Variants in DISC1 observed in about 807,000 individuals in gnomAD.
The protein encoded by DISC1 is disrupted in schizophrenia 1 protein.
DISC1 carries 57 observed loss-of-function variants against 84.5 expected under a neutral mutation model. The ratio of observed to expected loss-of-function variants is 0.67; its 90% confidence interval spans 0.55 to 0.84. The LOEUF (loss-of-function observed/expected upper bound fraction) is 0.84, where lower values mean the gene tolerates loss of function less well. Ranked by LOEUF, DISC1 falls within the 40% of genes least tolerant of loss-of-function variation. The probability of loss-of-function intolerance (pLI) is 0.00; values close to 1 mark genes in which losing one functional copy is unlikely to be tolerated. For synonymous variants in DISC1, 411 were observed against 415.2 expected (o/e 0.99, Z 0.12); for missense variants, 1,000 against 1,057.8 (o/e 0.95, Z 0.76).
At chr1:231,806,334 G>A (rs914358362) in intron 8 of DISC1, among the ~76,000 whole-genome samples, 1 of 152,222 alleles carries the variant, frequency 6.6e-6, no homozygotes, top group Non-Finnish European at 1.5e-5. Context: ...TTAATCCAAG[G>A]CAGCTTTGGC....
intron 1 of DISC1, among the ~76,000 whole-genome samples, chr1:231,663,401 C>A (rs2061724368): frequency 6.6e-6 from 1 of 152,168 alleles, no homozygotes; most frequent in Admixed American, 6.5e-5. Context: ...CTAGTCCAGC[C>A]TCTCTCATGA....
intron 8 of DISC1, among the ~76,000 whole-genome samples, chr1:231,811,928 G>T (rs1407376503): frequency 6.6e-6 from 1 of 152,196 alleles, no homozygotes; most frequent in Non-Finnish European, 1.5e-5. Context: ...TTCCTGGATT[G>T]TTGGGAAGAT....
intron 1 of DISC1, among the ~76,000 whole-genome samples, chr1:231,668,297 G>A (rs1324587702): frequency 1.3e-5 from 2 of 152,054 alleles, no homozygotes; most frequent in Non-Finnish European, 2.9e-5. Flanking sequence ...GTTAGCTATA[G>A]GCATTATGCT....
At chr1:231,704,544 C>T (rs571462838) in intron 3 of DISC1, among the ~76,000 whole-genome samples, 1 of 152,136 alleles carries the variant, frequency 6.6e-6, no homozygotes, top group Admixed American at 6.5e-5. Context: ...ATCACGAGGT[C>T]AGGAGATCGA....
intron 2 of DISC1, among the ~76,000 whole-genome samples, chr1:231,701,446 T>C (rs1415916717): frequency 6.6e-6 from 1 of 152,194 alleles, no homozygotes; most frequent in African/African-American, 2.4e-5. Flanking sequence ...CCCTTTTCTG[T>C]AATGGAAAAT....
rs1033806801 is a variant in DISC1, at chr1:231,699,884, C to T, written c.1048-2071C>T. Among the ~76,000 whole-genome samples the T allele has an allele frequency of 5.3e-5, 8 of 152,318 alleles. No individual in the cohort carries two copies. The South Asian group carries it at 1.7e-3, about 32-fold the overall frequency. ...CCCTTACATCAATCTGCCCCAGATC[C>T]AGTGGCATTCTTGCTCCCTCTTGCT... On this transcript the variant is annotated intron_variant, in intron 2 of 12. Transcript: ENST00000439617.
intron 9 of DISC1, among the ~76,000 whole-genome samples, chr1:231,852,775 T>C (rs1019079171): frequency 6.6e-6 from 1 of 152,148 alleles, no homozygotes; most frequent in Non-Finnish European, 1.5e-5. Context: ...TGGGATGAAG[T>C]TGGGGAGAGA....
At chr1:231,950,380 C>A (rs770494735) in intron 9 of DISC1, among the ~76,000 whole-genome samples, 2 of 152,112 alleles carry the variant, frequency 1.3e-5, no homozygotes, top group Non-Finnish European at 2.9e-5. Flanking sequence ...AATTAATCTC[C>A]AGGTCACAAC....
chr1:231,867,449 AAAT>A (rs141090899), intron 9 of DISC1, among the ~76,000 whole-genome samples: 3,230 of 152,300 alleles, frequency 0.021, 44 homozygotes, highest in Middle Eastern at 0.034. Flanking sequence ...TGTGTTTAAA[AAAT>A]AATAATAATA....
At chr1:231,709,174 T>C (rs2067476779) in intron 3 of DISC1, among the ~76,000 whole-genome samples, 1 of 152,220 alleles carries the variant, frequency 6.6e-6, no homozygotes, top group African/African-American at 2.4e-5. Context: ...TCATAGCCAA[T>C]AGTGACTTTG....
At chr1:231,860,708 A>C (rs1020863251) in intron 9 of DISC1, among the ~76,000 whole-genome samples, 1 of 152,138 alleles carries the variant, frequency 6.6e-6, no homozygotes, top group Non-Finnish European at 1.5e-5. Flanking sequence ...ACTTATCACT[A>C]TCAAGCATTT....
intron 4 of DISC1, among the ~76,000 whole-genome samples, chr1:231,764,389 T>C (rs1008442609): frequency 6.6e-6 from 1 of 152,236 alleles, no homozygotes; most frequent in Non-Finnish European, 1.5e-5. Context: ...ATGGAAACTT[T>C]AGAAAGATCA....
intron 1 of DISC1, among the ~76,000 whole-genome samples, chr1:231,678,239 G>T (rs1174701323): frequency 6.6e-6 from 1 of 152,160 alleles, no homozygotes; most frequent in African/African-American, 2.4e-5. Flanking sequence ...AGAGGGGGAT[G>T]GTCAGTATGG....
chr1:231,922,475 T>C (rs1044174062), intron 9 of DISC1, among the ~76,000 whole-genome samples: 1 of 152,152 alleles, frequency 6.6e-6, no homozygotes, highest in Non-Finnish European at 1.5e-5. Context: ...ACAGATAAGG[T>C]ACATTCATCC....
At chr1:231,632,523 T>C (rs1473203745) in intron 1 of DISC1, among the ~76,000 whole-genome samples, 1 of 152,202 alleles carries the variant, frequency 6.6e-6, no homozygotes, top group Non-Finnish European at 1.5e-5. Context: ...AGATAAATCA[T>C]ATATTTATTG....
Position 232,008,900 on chromosome 1 carries a change from A to T in DISC1, c.2158A>T (p.Arg720Trp). Residue 720 changes from arginine (R) to tryptophan (W), a missense_variant, in exon 11 of 13, where the codon AGG becomes TGG. By Grantham distance (101) the Arg-to-Trp change is moderately radical. This residue lies in a region of DISC1 where 397 missense variants were observed against 377.5 expected (regional missense o/e 1.05). Transcript: ENST00000439617. ...GGGAAGCCTGTCTGTAGAAGATGAGAGGCAGATGGATGACTTAGAGGGAGC... is the reference window on the plus strand; with the variant it reads ...GGGAAGCCTGTCTGTAGAAGATGAGTGGCAGATGGATGACTTAGAGGGAGC... Reference protein sequence around the residue: ...ARGSLSVEDERQMDDLEGAAP... With the variant: ...ARGSLSVEDEWQMDDLEGAAP... The T allele has an allele frequency of 6.2e-7, 1 of 1,613,794 alleles. No individual in the cohort carries two copies. The highest frequency in any genetic ancestry group is 1.1e-5 in the South Asian group (1 of 91,076).
chr1:231,935,444 T>C (rs1261898283), intron 9 of DISC1, among the ~76,000 whole-genome samples: 1 of 152,204 alleles, frequency 6.6e-6, no homozygotes, highest in African/African-American at 2.4e-5. Context: ...TGGGAATGTC[T>C]TACAAATGTA....
chr1:231,823,265 A>C (rs987223207), intron 9 of DISC1, among the ~76,000 whole-genome samples: 1 of 152,220 alleles, frequency 6.6e-6, no homozygotes, highest in African/African-American at 2.4e-5. Context: ...CAAAAGAATA[A>C]AATCTATGGG....
At chr1:231,647,696 G>T (rs2060252112) in intron 1 of DISC1, among the ~76,000 whole-genome samples, 1 of 152,186 alleles carries the variant, frequency 6.6e-6, no homozygotes, top group Non-Finnish European at 1.5e-5. Context: ...CATGAGCATG[G>T]AATGTTCTTC....
Sources: gnomAD v4.1 joint callset for allele counts (sites outside exome capture counted in the v4.1 genomes callset) on GRCh38, gnomAD v4.1.1 for gene constraint, gnomAD v4.1.1 regional missense constraint, MANE v1.5 for transcripts, NCBI Gene and HGNC (gene_info 2026-07-23, HGNC 2026-07-21) for gene names.